MACROD2: variants seen among roughly 807,000 people sequenced by gnomAD.
MACROD2 encodes the protein mono-ADP ribosylhydrolase 2, also known as ADP-ribose glycohydrolase MACROD2.
Under a neutral mutation model 70.4 loss-of-function variants are expected in MACROD2, and 36 were observed. That is an observed-to-expected ratio of 0.51 (90% CI 0.39 to 0.68). The LOEUF (loss-of-function observed/expected upper bound fraction) is 0.68, where lower values mean the gene tolerates loss of function less well. MACROD2 is among the 30% of genes least tolerant of loss of function. The probability of loss-of-function intolerance (pLI) is 0.00; values close to 1 mark genes in which losing one functional copy is unlikely to be tolerated. For missense variants in MACROD2, 496 were observed against 538.4 expected (o/e 0.92, Z 0.78); for synonymous variants, 172 against 178.8 (o/e 0.96, Z 0.30).
chr20:14,439,281 C>T (rs113056948), intron 3 of MACROD2, among the ~76,000 whole-genome samples: 2,294 of 152,138 alleles, frequency 0.015, 52 homozygotes, highest in African/African-American at 0.051. Flanking sequence ...TAGTACCATA[C>T]TGTTTTGATT....
intron 5 of MACROD2, among the ~76,000 whole-genome samples, chr20:14,876,503 G>A (rs569432320): frequency 3.3e-5 from 5 of 152,146 alleles, no homozygotes; most frequent in Admixed American, 3.3e-4. Flanking sequence ...TGTTTTAGTA[G>A]CAATTGCTTT....
chr20:14,542,105 G>A (rs2085440579), intron 4 of MACROD2, among the ~76,000 whole-genome samples: 1 of 152,198 alleles, frequency 6.6e-6, no homozygotes, highest in Admixed American at 6.5e-5. Flanking sequence ...CTGCTGACGC[G>A]AGACACCTAT....
Position 14,766,187 on chromosome 20 carries a change from G to A in MACROD2, c.418+81228G>A, listed in dbSNP as rs556066448. Among the ~76,000 whole-genome samples the A allele has an allele frequency of 2.0e-5, 3 of 151,934 alleles. No individual in the cohort carries two copies. The South Asian group carries it at 6.2e-4, about 32-fold the overall frequency. ...TAGTCATTATAGGTTTATTCTCACG[G>A]GTAGTCGGCCAATTCTGGACAGGGA... On this transcript the variant is annotated intron_variant, in intron 5 of 17. Coordinates refer to ENST00000684519, the MANE Select transcript of MACROD2 (RefSeq NM_001351661.2).
At chr20:14,844,431 C>G (rs369127095) in intron 5 of MACROD2, among the ~76,000 whole-genome samples, 1 of 151,852 alleles carries the variant, frequency 6.6e-6, no homozygotes, top group Non-Finnish European at 1.5e-5. Flanking sequence ...ACGGGAGAAT[C>G]GCTTGAACCC....
At chr20:15,564,541 T>C (rs2048286854) in intron 8 of MACROD2, among the ~76,000 whole-genome samples, 1 of 152,180 alleles carries the variant, frequency 6.6e-6, no homozygotes, top group African/African-American at 2.4e-5. Context: ...AAAAGCATGT[T>C]AGCAGGCAAT....
chr20:14,575,041 A>AAAAAAAAT (rs1175447813), intron 4 of MACROD2, among the ~76,000 whole-genome samples: 12 of 23,892 alleles, frequency 5.0e-4, no homozygotes, highest in African/African-American at 8.3e-4. Context: ...AAAAAAAAAA[A>AAAAAAAAT]ATATTCACAA....
chr20:14,827,739 T>C (rs1317061594), intron 5 of MACROD2, among the ~76,000 whole-genome samples: 1 of 152,106 alleles, frequency 6.6e-6, no homozygotes, highest in Non-Finnish European at 1.5e-5. Flanking sequence ...GTGTTTCCTC[T>C]TGGAAACTAT....
intron 8 of MACROD2, among the ~76,000 whole-genome samples, chr20:15,708,581 T>A (rs924130276): frequency 6.6e-6 from 1 of 152,194 alleles, no homozygotes; most frequent in Non-Finnish European, 1.5e-5. Context: ...TGTTCAATAA[T>A]GCCTCGACTT....
intron 5 of MACROD2, among the ~76,000 whole-genome samples, chr20:15,211,287 T>C (rs1230029344): frequency 6.6e-6 from 1 of 152,228 alleles, no homozygotes; most frequent in Non-Finnish European, 1.5e-5. Context: ...CTTTCCTTTT[T>C]ATGGCTAAAT....
intron 8 of MACROD2, among the ~76,000 whole-genome samples, chr20:15,621,832 A>G (rs572271766): frequency 6.6e-6 from 1 of 152,320 alleles, no homozygotes; most frequent in South Asian, 2.1e-4. Flanking sequence ...CTTTTAATAC[A>G]TAGGGGTAGT....
intron 12 of MACROD2, among the ~76,000 whole-genome samples, chr20:15,959,336 T>C (rs972291730): frequency 6.6e-6 from 1 of 152,238 alleles, no homozygotes; most frequent in Non-Finnish European, 1.5e-5. Context: ...AAATGAAATT[T>C]ACTGAACCTG....
intron 8 of MACROD2, among the ~76,000 whole-genome samples, chr20:15,809,877 ATTATAC>A (rs939037942): frequency 2.3e-5 from 2 of 87,814 alleles, no homozygotes; most frequent in African/African-American, 1.0e-4. Flanking sequence ...TTTTTTTTTT[ATTATAC>A]TTTAAGTTTT....
intron 2 of MACROD2, among the ~76,000 whole-genome samples, chr20:14,066,243 G>C (rs968646526): frequency 6.6e-6 from 1 of 152,130 alleles, no homozygotes; most frequent in African/African-American, 2.4e-5. Flanking sequence ...GACTTGTATA[G>C]AACAAACCAG....
intron 5 of MACROD2, among the ~76,000 whole-genome samples, chr20:15,067,564 G>T (rs2075587286): frequency 6.6e-6 from 1 of 152,014 alleles, no homozygotes; most frequent in East Asian, 1.9e-4. Flanking sequence ...TGTCTAGGCT[G>T]GTCTCCAACT....
chr20:14,523,214 C>A (rs949296678), intron 4 of MACROD2, among the ~76,000 whole-genome samples: 1 of 152,154 alleles, frequency 6.6e-6, no homozygotes, highest in African/African-American at 2.4e-5. Flanking sequence ...AAAAACCTTT[C>A]GAGGCCTCAC....
intron 3 of MACROD2, among the ~76,000 whole-genome samples, chr20:14,312,703 A>G (rs181208843): frequency 1.4e-3 from 216 of 152,356 alleles, no homozygotes; most frequent in Admixed American, 2.5e-3. Context: ...GTCAGGCACT[A>G]CTATATTAAG....
At chr20:14,009,079 T>C (rs764342090) in intron 2 of MACROD2, among the ~76,000 whole-genome samples, 6 of 152,226 alleles carry the variant, frequency 3.9e-5, no homozygotes, top group Middle Eastern at 3.4e-3. Context: ...CATGTGAAGA[T>C]GCCAAAAACA....
chr20:14,117,122 C>A (rs1232519407), intron 3 of MACROD2, among the ~76,000 whole-genome samples: 1 of 151,180 alleles, frequency 6.6e-6, no homozygotes, highest in Non-Finnish European at 1.5e-5. Flanking sequence ...ATAGTATATT[C>A]TTTACTTTGT....
chr20:14,597,869 G>A (rs985839969), intron 4 of MACROD2, among the ~76,000 whole-genome samples: 4 of 151,948 alleles, frequency 2.6e-5, no homozygotes, highest in Non-Finnish European at 5.9e-5. Context: ...TCAAAAATTT[G>A]TATCTTTAAA....
Sources: gnomAD v4.1 joint callset for allele counts (sites outside exome capture counted in the v4.1 genomes callset) on GRCh38, gnomAD v4.1.1 for gene constraint, MANE v1.5 for transcripts, NCBI Gene and HGNC (gene_info 2026-07-23, HGNC 2026-07-21) for gene names.